The following PTPRQ variants were observed in gnomAD, a reference collection of about 807,000 sequenced individuals.
PTPRQ encodes the protein phosphatidylinositol phosphatase PTPRQ.
A neutral mutation model predicts 246.0 loss-of-function variants in PTPRQ; 199 were observed. That is an observed-to-expected ratio of 0.81 (90% confidence interval 0.72 to 0.91). The LOEUF (loss-of-function observed/expected upper bound fraction) is 0.91. PTPRQ is among the 40% of genes least tolerant of loss of function. PTPRQ has a pLI of 0.00. For missense variants in PTPRQ, 2,624 were observed against 2,528.4 expected (o/e 1.04, Z -0.81); for synonymous variants, 869 against 853.2 (o/e 1.02, Z -0.32).
intron 25 of PTPRQ, chr12:80,561,301 A>G (rs1034419074): frequency 3.9e-5 from 6 of 152,214 alleles, no homozygotes; most frequent in Non-Finnish European, 7.3e-5. Context: ...ATTAAGAACA[A>G]TTTACAATGG....
chr12:80,449,704 C>T (rs1358661176), intron 3 of PTPRQ, among the ~76,000 whole-genome samples: 1 of 151,984 alleles, frequency 6.6e-6, no homozygotes, highest in East Asian at 1.9e-4. Context: ...GGCATGATTT[C>T]GGAGGGCTCT....
At position 80,541,842 on chromosome 12, in the gene PTPRQ, G is replaced by A; in HGVS notation, c.3442G>A (p.Asp1148Asn). ...TAQLYIKTEE[D>N]VPETSPIINT... is the part of the protein sequence containing the mutation. ...CCAGCTATACATCAAGACTGAAGAA[G>A]ATGGTAGGCTAGACCCTTTTATTGT... is the stretch of plus-strand genomic sequence containing the variant. The change falls in exon 21 of 45, where the codon GAT becomes AAT. Residue 1148 changes from aspartate (D) to asparagine (N), a missense_variant. By Grantham distance (23) the Asp-to-Asn change is conservative. Transcript: ENST00000644991. The A allele has an allele frequency of 6.5e-7, 1 of 1,538,366 alleles. No homozygotes were observed. Among genetic ancestry groups the A allele is most frequent in the African/African-American group, 1.4e-5 (1 of 72,452 alleles).
At position 80,576,651 on chromosome 12, in the gene PTPRQ, CT is replaced by C. The variant is rs1234655934; in HGVS notation, c.4286-11467del. On this transcript the variant is annotated intron_variant, in intron 25 of 44. Transcript: ENST00000644991. ...TATATGCTTATCTGTTTCTTCTGAC[CT>C]TTTTTTTTTTCCTATTCTACTTCAC... Among the ~76,000 whole-genome samples, 863 of 145,974 alleles carry C rather than the reference CT, an allele frequency of 5.9e-3. 4 individuals carry two copies. Among genetic ancestry groups the C allele is most frequent in the African/African-American group, 0.017 (667 of 39,988 alleles).
chr12:80,669,322 A>AT lies in PTPRQ; in HGVS notation c.6328-13dup. On this transcript the variant is annotated splice_polypyrimidine_tract_variant and intron_variant, in intron 40 of 44. Coordinates refer to ENST00000644991, the MANE Select transcript of PTPRQ (RefSeq NM_001145026.2). ...ATAACAATGACGCTTATGACTGATG[A>AT]TTTTCTCTGAATGCAGATCAGATGC... The AT allele has an allele frequency of 6.5e-7, 1 of 1,547,730 alleles. No homozygotes were observed. Among genetic ancestry groups the AT allele is most frequent in the Non-Finnish European group, 8.7e-7 (1 of 1,145,504 alleles).
At chr12:80,622,695 A>G (rs532717693) in intron 33 of PTPRQ, among the ~76,000 whole-genome samples, 2 of 152,192 alleles carry the variant, frequency 1.3e-5, no homozygotes, top group South Asian at 4.1e-4. Flanking sequence ...ACATTACATT[A>G]CAAATATGGG....
chr12:80,508,043 C>T (rs1245958808), intron 16 of PTPRQ, among the ~76,000 whole-genome samples: 1 of 151,884 alleles, frequency 6.6e-6, no homozygotes, highest in Non-Finnish European at 1.5e-5. Context: ...ATATTTTGAG[C>T]AGGCAGACGT....
intron 17 of PTPRQ, among the ~76,000 whole-genome samples, chr12:80,527,263 G>C (rs1895714791): frequency 6.6e-6 from 1 of 151,924 alleles, no homozygotes; most frequent in African/African-American, 2.4e-5. Context: ...TGTAAACCCT[G>C]TCAAGTAATT....
intron 14 of PTPRQ, among the ~76,000 whole-genome samples, chr12:80,500,497 C>T (rs1200578182): frequency 6.6e-6 from 1 of 151,928 alleles, no homozygotes; most frequent in East Asian, 1.9e-4. Context: ...TGGTGGTAGG[C>T]AGACAACTGC....
chr12:80,591,378 C>T lies in PTPRQ; in HGVS notation c.4609+2926C>T, dbSNP rs961314957. On this transcript the variant is annotated intron_variant, in intron 26 of 44. Coordinates refer to ENST00000644991, the MANE Select transcript of PTPRQ (RefSeq NM_001145026.2). ...TCTTGGGCTCAAGTGATCCTCCTGC[C>T]GTGGCCTCCCACAGTGCTGAGATTT... 9.9e-5 allele frequency among the ~76,000 whole-genome samples: 15 copies of T among 152,226 alleles called. No individual in the cohort carries two copies. The East Asian group carries it at 2.7e-3, about 27-fold the overall frequency.
At position 80,445,725 on chromosome 12, in the gene PTPRQ, T is replaced by C; in HGVS notation, c.390+8T>C. On this transcript the variant is annotated splice_region_variant and intron_variant, in intron 3 of 44. Coordinates refer to ENST00000644991, the MANE Select transcript of PTPRQ (RefSeq NM_001145026.2). Reference sequence around the variant, plus strand: ...ACAACATATGAAATTAAGGTAATTATTTTGTGTATGACTACTTAGTGTTCA... The same window carrying C: ...ACAACATATGAAATTAAGGTAATTACTTTGTGTATGACTACTTAGTGTTCA... 1 of 1,483,016 alleles carries C rather than the reference T, an allele frequency of 6.7e-7. No homozygotes were observed. The highest frequency in any genetic ancestry group is 9.2e-7 in the Non-Finnish European group (1 of 1,085,244). 91.9% of individuals were successfully genotyped at this position (1,483,016 alleles called of 1,614,324 possible). A position where few individuals can be genotyped will look rare whatever the true frequency, so the allele number is the denominator to read the frequency against.
chr12:80,474,031 T>TCA (rs1565729553), intron 8 of PTPRQ, among the ~76,000 whole-genome samples: 1 of 152,226 alleles, frequency 6.6e-6, no homozygotes, highest in East Asian at 1.9e-4. Flanking sequence ...TTGGGATAGT[T>TCA]CAGCCACAGG....
At chr12:80,667,182 G>A (rs1004333129) in intron 39 of PTPRQ, among the ~76,000 whole-genome samples, 33 of 151,804 alleles carry the variant, frequency 2.2e-4, no homozygotes, top group African/African-American at 7.3e-4. Flanking sequence ...GAACATTCCT[G>A]ACACCCTTCT....
At chr12:80,609,108 T>C (rs2121095650) in intron 27 of PTPRQ, among the ~76,000 whole-genome samples, 1 of 150,684 alleles carries the variant, frequency 6.6e-6, no homozygotes, top group East Asian at 2.0e-4. Flanking sequence ...GCAACGATAG[T>C]ATTATTTATA....
At chr12:80,449,403 T>G (rs894876767) in intron 3 of PTPRQ, among the ~76,000 whole-genome samples, 36 of 152,232 alleles carry the variant, frequency 2.4e-4, no homozygotes, top group Admixed American at 1.8e-3. Flanking sequence ...GTCAATTTTG[T>G]CTTTTGTTGC....
At chr12:80,488,537 T>C (rs1382030749) in intron 9 of PTPRQ, among the ~76,000 whole-genome samples, 1 of 152,040 alleles carries the variant, frequency 6.6e-6, no homozygotes, top group Non-Finnish European at 1.5e-5. Flanking sequence ...AGTATATGCA[T>C]ATTATTTAGT....
Position 80,643,799 on chromosome 12 carries a change from C to T in PTPRQ, c.5916-5098C>T, listed in dbSNP as rs75859860. The stretch of plus-strand genomic sequence containing the variant: ...TGATGAAATATATAAACTAAAAACT[C>T]ACACTCAGTATCATACAAAACTTGG... On this transcript the variant is annotated intron_variant, in intron 35 of 44. Coordinates refer to ENST00000644991, the MANE Select transcript of PTPRQ (RefSeq NM_001145026.2). Among the ~76,000 whole-genome samples, 445 of 152,230 alleles carry T rather than the reference C, an allele frequency of 2.9e-3. 7 individuals carry two copies. In the East Asian group the frequency reaches 0.076, roughly 26 times the overall value.
chr12:80,471,474 A>ATTTTT (rs1176393485), intron 7 of PTPRQ, among the ~76,000 whole-genome samples: 834 of 73,168 alleles, frequency 0.011, 185 homozygotes, highest in Middle Eastern at 0.066. Flanking sequence ...ATTATTTAGC[A>ATTTTT]TTTTTTTTTT....
At chr12:80,481,297 A>G (rs529267371) in intron 8 of PTPRQ, among the ~76,000 whole-genome samples, 5 of 152,360 alleles carry the variant, frequency 3.3e-5, no homozygotes, top group Non-Finnish European at 7.3e-5. Context: ...CAATAGATGC[A>G]GAAAAGGCCT....
Position 80,574,442 on chromosome 12 carries a change from T to G in PTPRQ, c.4286-13687T>G, listed in dbSNP as rs185073087. Reference sequence around the variant, plus strand: ...TTACTTGACTTTGGATGTACTATTTTTTCTTTGTTTTCTATATGTCCTATC... The same window carrying G: ...TTACTTGACTTTGGATGTACTATTTGTTCTTTGTTTTCTATATGTCCTATC... On this transcript the variant is annotated intron_variant, in intron 25 of 44. Transcript: ENST00000644991. Among the ~76,000 whole-genome samples the G allele has an allele frequency of 3.3e-5, 5 of 151,864 alleles. No individual in the cohort carries two copies. In the East Asian group the frequency reaches 9.6e-4, roughly 29 times the overall value.
Sources: allele counts gnomAD v4.1 joint callset (sites outside exome capture counted in the v4.1 genomes callset), GRCh38; gene constraint gnomAD v4.1.1; transcripts MANE v1.5; gene names NCBI Gene and HGNC (gene_info 2026-07-23, HGNC 2026-07-21).